The following GRIA2 variants were observed in gnomAD, a reference collection of about 807,000 sequenced individuals.
The protein encoded by GRIA2 is glutamate ionotropic receptor AMPA type subunit 2, also known as glutamate receptor 2.
In GRIA2, 14 loss-of-function variants were observed where a neutral mutation model predicts 97.3. The ratio of observed to expected loss-of-function variants is 0.14; its 90% confidence interval spans 0.10 to 0.23. The LOEUF is 0.23. Ranked by LOEUF, GRIA2 falls within the 10% of genes least tolerant of loss-of-function variation. The pLI is 1.00. For missense variants in GRIA2, 558 were observed against 1,069.8 expected, an observed-to-expected ratio of 0.52 and a Z score of 6.67; for synonymous variants, 412 against 387.8, an observed-to-expected ratio of 1.06 and a Z score of -0.73.
At chr4:157,314,026 C>G (rs567651540) in intron 4 of GRIA2, among the ~76,000 whole-genome samples, 1 of 152,244 alleles carries the variant, frequency 6.6e-6, no homozygotes, top group East Asian at 1.9e-4. Flanking sequence ...ATCATCTTCA[C>G]ATTGAGTAGG....
intron 2 of GRIA2, among the ~76,000 whole-genome samples, chr4:157,263,728 G>A (rs775758216): frequency 2.2e-4 from 34 of 152,142 alleles, no homozygotes; most frequent in Non-Finnish European, 4.3e-4. Context: ...TATCTACACA[G>A]TATATAGTCA....
intron 15 of GRIA2, 39 bp downstream of exon 15, chr4:157,363,086 T>A: frequency 6.4e-7 from 1 of 1,563,972 alleles, no homozygotes; most frequent in African/African-American, 1.4e-5. Context: ...TTAGTGCACG[T>A]TTAGCTTTCT....
chr4:157,319,698 C>T (rs985040944), intron 5 of GRIA2, among the ~76,000 whole-genome samples: 2 of 152,038 alleles, frequency 1.3e-5, no homozygotes, highest in Non-Finnish European at 2.9e-5. Flanking sequence ...TTTTCTTCCC[C>T]CTGTCAGGTT....
intron 2 of GRIA2, among the ~76,000 whole-genome samples, chr4:157,243,613 A>G (rs983009300): frequency 2.6e-5 from 4 of 152,118 alleles, no homozygotes; most frequent in Non-Finnish European, 5.9e-5. Flanking sequence ...CTAAGCAACA[A>G]TTTTTGTGAA....
chr4:157,276,997 C>T (rs1001159509), intron 2 of GRIA2, among the ~76,000 whole-genome samples: 2 of 151,778 alleles, frequency 1.3e-5, no homozygotes, highest in Non-Finnish European at 2.9e-5. Flanking sequence ...GGAAGATATG[C>T]CAATTTACAA....
chr4:157,276,212 A>T (rs1187142450), intron 2 of GRIA2, among the ~76,000 whole-genome samples: 1 of 152,084 alleles, frequency 6.6e-6, no homozygotes, highest in East Asian at 1.9e-4. Flanking sequence ...CAATGGAATT[A>T]AAGTAAAAAC....
chr4:157,297,172 TG>T (rs1024423682), intron 2 of GRIA2, among the ~76,000 whole-genome samples: 1 of 152,098 alleles, frequency 6.6e-6, no homozygotes, highest in African/African-American at 2.4e-5. Context: ...ATTAAGGCAA[TG>T]TCATGAGAGC....
chr4:157,340,946 T>A (rs1735521551), intron 11 of GRIA2, among the ~76,000 whole-genome samples: 1 of 152,068 alleles, frequency 6.6e-6, no homozygotes. Context: ...CATGAGTGGA[T>A]AAACTTTTAT....
chr4:157,231,025 A>C (rs1729989937), intron 2 of GRIA2, among the ~76,000 whole-genome samples: 1 of 150,614 alleles, frequency 6.6e-6, no homozygotes, highest in Non-Finnish European at 1.5e-5. Flanking sequence ...AGCTAATTTT[A>C]TTTTATTTTT....
At chr4:157,345,061 TTAAAG>T (rs1735711586) in intron 12 of GRIA2, among the ~76,000 whole-genome samples, 1 of 152,112 alleles carries the variant, frequency 6.6e-6, no homozygotes, top group African/African-American at 2.4e-5. Flanking sequence ...TTTCTTTCCG[TTAAAG>T]TCTAAGATAT....
At chr4:157,307,756 G>A (rs1234210075) in intron 3 of GRIA2, among the ~76,000 whole-genome samples, 1 of 152,214 alleles carries the variant, frequency 6.6e-6, no homozygotes, top group Middle Eastern at 3.4e-3. Flanking sequence ...AACAGAATTA[G>A]CACTTTATAT....
chr4:157,330,578 G>C (rs572850448), intron 6 of GRIA2, among the ~76,000 whole-genome samples: 27 of 151,538 alleles, frequency 1.8e-4, no homozygotes, highest in Non-Finnish European at 3.8e-4. Context: ...CTGTTTTCTG[G>C]TATCAGAGAT....
chr4:157,260,055 A>C (rs1731458272), intron 2 of GRIA2, among the ~76,000 whole-genome samples: 1 of 152,092 alleles, frequency 6.6e-6, no homozygotes, highest in Non-Finnish European at 1.5e-5. Flanking sequence ...TTTCTTGTAA[A>C]GACAATTCCT....
intron 3 of GRIA2, among the ~76,000 whole-genome samples, chr4:157,305,311 G>A (rs539456597): frequency 3.3e-5 from 5 of 151,838 alleles, no homozygotes; most frequent in African/African-American, 4.8e-5. Flanking sequence ...CATCCTTGTC[G>A]TTGCCATTAC....
chr4:157,262,210 T>C (rs1731572399), intron 2 of GRIA2, among the ~76,000 whole-genome samples: 1 of 152,072 alleles, frequency 6.6e-6, no homozygotes, highest in South Asian at 2.1e-4. Context: ...ACTTCACTTG[T>C]AATCTTCATA....
chr4:157,308,693 T>G (rs1030351152), intron 3 of GRIA2, among the ~76,000 whole-genome samples: 7 of 152,212 alleles, frequency 4.6e-5, no homozygotes, highest in Non-Finnish European at 1.0e-4. Context: ...TCCCATTGTC[T>G]ATACAACTTT....
chr4:157,335,502 G>C, intron 9 of GRIA2, 169 bp from the exon 10 acceptor site: 1 of 595,632 alleles, frequency 1.7e-6, no homozygotes. Context: ...GAGGCTTTCT[G>C]GGGGGAAGCA....
At chr4:157,310,592 T>G (rs900188745) in intron 3 of GRIA2, among the ~76,000 whole-genome samples, 4 of 152,060 alleles carry the variant, frequency 2.6e-5, no homozygotes, top group Non-Finnish European at 4.4e-5. Flanking sequence ...CTGTAAATAT[T>G]TCAGTGTTTA....
intron 2 of GRIA2, among the ~76,000 whole-genome samples, chr4:157,292,345 T>G (rs913437020): frequency 1.3e-5 from 2 of 152,024 alleles, no homozygotes; most frequent in East Asian, 3.9e-4. Flanking sequence ...AACATCTATG[T>G]GGAAACAAAA....
Sources: gnomAD v4.1 joint callset for allele counts (sites outside exome capture counted in the v4.1 genomes callset) on GRCh38, gnomAD v4.1.1 for gene constraint, MANE v1.5 for transcripts, NCBI Gene and HGNC (gene_info 2026-07-23, HGNC 2026-07-21) for gene names.